The following AFF1 variants were observed in gnomAD, a reference collection of about 807,000 sequenced individuals.
AFF1 encodes the protein ALF transcription elongation factor 1.
In AFF1, 48 loss-of-function variants were observed where a neutral mutation model predicts 121.7. The observed-to-expected ratio is 0.39, with a 90% CI of 0.31 to 0.50. AFF1 has a LOEUF of 0.50. Ranked by LOEUF, AFF1 falls within the 20% of genes least tolerant of loss-of-function variation. The probability of loss-of-function intolerance (pLI) is 0.76; values close to 1 mark genes in which losing one functional copy is unlikely to be tolerated. For synonymous variants in AFF1, 613 were observed against 563.0 expected, an observed-to-expected ratio of 1.09 and a Z score of -1.26; for missense variants, 1,523 against 1,511.7, an observed-to-expected ratio of 1.01 and a Z score of -0.12.
At chr4:87,045,091 A>G (rs867117906) in intron 2 of AFF1, among the ~76,000 whole-genome samples, 78 of 152,274 alleles carry the variant, frequency 5.1e-4, no homozygotes, top group African/African-American at 1.8e-3. Context: ...GCTTTTGTCA[A>G]AGGAAATAAG....
At chr4:87,052,678 A>T (rs912053398) in intron 4 of AFF1, among the ~76,000 whole-genome samples, 1 of 151,236 alleles carries the variant, frequency 6.6e-6, no homozygotes, top group African/African-American at 2.4e-5. Flanking sequence ...TGGGAAATGG[A>T]TGAGAGGGGC....
At position 87,091,793 on chromosome 4, in the gene AFF1, G is replaced by A. The variant is rs770921103; in HGVS notation, c.1192G>A (p.Asp398Asn). Residue 398 changes from aspartate to asparagine, a missense_variant and splice_region_variant, in exon 7 of 21, where the codon GAC becomes AAC. Physicochemically the swap from Asp to Asn is conservative, Grantham distance 23. This residue lies in a region of AFF1 where 905 missense variants were observed against 842.5 expected (regional missense o/e 1.07). Transcript: ENST00000395146. ...EPSKFPFPTK[D>N]SQHVSSVTQN... ...TTAGATATTTTTATTTTCTTTCTAG[G>A]ACTCTCAGCATGTCAGTTCTGTAAC... 2.7e-5 allele frequency: 41 copies of A among 1,539,054 alleles called. No individual in the cohort carries two copies. In the Middle Eastern group the frequency reaches 5.5e-4, roughly 21 times the overall value.
intron 4 of AFF1, among the ~76,000 whole-genome samples, chr4:87,071,792 C>T (rs1330191922): frequency 6.6e-6 from 1 of 152,098 alleles, no homozygotes. Context: ...TTCTCTGTCA[C>T]TTAGGTTCTG....
At chr4:87,046,548 G>C in intron 3 of AFF1, 147 bp from the exon 4 acceptor site, 13 of 973,170 alleles carry the variant, frequency 1.3e-5, no homozygotes, top group Non-Finnish European at 1.9e-5. Context: ...CTTCTCAACA[G>C]GGGAATTGAG....
Position 86,951,615 on chromosome 4 carries a change from CTTTTTTTCTTTTT to C in AFF1, c.38+3052_38+3064del, listed in dbSNP as rs1441971285. Among the ~76,000 whole-genome samples, 27 of 124,974 alleles carry C rather than the reference CTTTTTTTCTTTTT, an allele frequency of 2.2e-4. No individual in the cohort carries two copies. The East Asian group carries it at 2.6e-3, about 12-fold the overall frequency. The allele number at this position is 124,974 out of a possible 152,430, so 82.0% of individuals were successfully genotyped here. ...GAACTTTTTTTTCTTTTTCTTTTTT[CTTTTTTTCTTTTT>C]TTTTTTTTTTTTTGAGACGGAGTCT... is the stretch of plus-strand genomic sequence containing the variant. On this transcript the variant is annotated intron_variant, in intron 2 of 20. Transcript: ENST00000395146.
chr4:87,017,630 A>G (rs752751956), intron 2 of AFF1, among the ~76,000 whole-genome samples: 27 of 152,348 alleles, frequency 1.8e-4, no homozygotes, highest in Non-Finnish European at 3.5e-4. Flanking sequence ...ATGGCCCTAT[A>G]AATTGTTATT....
chr4:86,988,481 C>A (rs959598424), intron 2 of AFF1, among the ~76,000 whole-genome samples: 1 of 151,974 alleles, frequency 6.6e-6, no homozygotes, highest in African/African-American at 2.4e-5. Flanking sequence ...ATCCAACTTA[C>A]AAGGGATGTG....
At chr4:86,979,825 A>T (rs1187768958) in intron 2 of AFF1, among the ~76,000 whole-genome samples, 10 of 140,340 alleles carry the variant, frequency 7.1e-5, no homozygotes, top group African/African-American at 3.3e-4. Context: ...CTATGACTGT[A>T]TTAGGAGAAT....
intron 4 of AFF1, among the ~76,000 whole-genome samples, chr4:87,050,465 T>G (rs1358272741): frequency 2.0e-5 from 3 of 152,238 alleles, no homozygotes; most frequent in Non-Finnish European, 4.4e-5. Context: ...TGTTCCTTCA[T>G]TCTCTAGCCA....
intron 2 of AFF1, among the ~76,000 whole-genome samples, chr4:87,022,108 GGT>G (rs1227082740): frequency 6.6e-6 from 1 of 151,260 alleles, no homozygotes; most frequent in African/African-American, 2.4e-5. Flanking sequence ...GGGAGACTGA[GGT>G]GGGAGAATGT....
At position 87,047,506 on chromosome 4, in the gene AFF1, A is replaced by G. The variant is rs1440897483; in HGVS notation, c.971A>G (p.Tyr324Cys). Reference sequence around the variant, plus strand: ...GAACTGAAACCACTGCCGGAGGACTATCGACAGCAGACCTTTGAAAAAACA... The same window carrying G: ...GAACTGAAACCACTGCCGGAGGACTGTCGACAGCAGACCTTTGAAAAAACA... ...SPELKPLPED[Y>C]RQQTFEKTDL... Residue 324 changes from tyrosine to cysteine, a missense_variant, in exon 4 of 21, where the codon TAT becomes TGT. Coordinates refer to ENST00000395146, the MANE Select transcript of AFF1 (RefSeq NM_001166693.3). 10 of 1,614,128 alleles carry G rather than the reference A, an allele frequency of 6.2e-6. No homozygotes were observed. Among genetic ancestry groups the G allele is most frequent in the East Asian group, 2.2e-5 (1 of 44,904 alleles).
At chr4:87,003,782 C>T (rs1341143322) in intron 2 of AFF1, among the ~76,000 whole-genome samples, 3 of 151,984 alleles carry the variant, frequency 2.0e-5, no homozygotes, top group African/African-American at 7.2e-5. Flanking sequence ...AAAACAGCCA[C>T]CAAAAAATTA....
intron 2 of AFF1, among the ~76,000 whole-genome samples, chr4:87,031,769 G>T (rs1244186324): frequency 1.3e-5 from 2 of 152,122 alleles, no homozygotes; most frequent in African/African-American, 2.4e-5. Context: ...TTGTTTACTT[G>T]CAGTGGATAT....
At chr4:87,058,346 G>C (rs1383612235) in intron 4 of AFF1, among the ~76,000 whole-genome samples, 1 of 152,138 alleles carries the variant, frequency 6.6e-6, no homozygotes, top group Non-Finnish European at 1.5e-5. Flanking sequence ...CATCTGATGA[G>C]TCATGCAAAT....
intron 2 of AFF1, among the ~76,000 whole-genome samples, chr4:87,029,624 C>A (rs1047372080): frequency 6.6e-6 from 1 of 152,176 alleles, no homozygotes; most frequent in African/African-American, 2.4e-5. Flanking sequence ...GGAGTTCTTA[C>A]TCCCAGAGTG....
chr4:86,948,631 C>T (rs1721038216), intron 2 of AFF1, 60 bp downstream of exon 2: 6 of 1,477,888 alleles, frequency 4.1e-6, no homozygotes, highest in African/African-American at 1.4e-5. Context: ...ATCTACTTTT[C>T]AATGAATAAG....
At chr4:86,983,929 C>T (rs926010277) in intron 2 of AFF1, among the ~76,000 whole-genome samples, 6 of 148,466 alleles carry the variant, frequency 4.0e-5, no homozygotes, top group South Asian at 2.1e-4. Context: ...CCCAGCTACT[C>T]GGGAGGCTGA....
chr4:87,071,583 T>C (rs1722059835), intron 4 of AFF1, among the ~76,000 whole-genome samples: 1 of 152,110 alleles, frequency 6.6e-6, no homozygotes, highest in Admixed American at 6.5e-5. Context: ...AGGAAAGCAG[T>C]GCGGTGGCTC....
chr4:87,140,703 A>G lies in AFF1; in HGVS notation c.*5002A>G, dbSNP rs900521817. ...GGGTAGGGAAGCAGTGATGCTCTCA[A>G]TGGGAAGATGTGCAACACAAATTAA... On this transcript the variant is annotated 3_prime_UTR_variant, in exon 21 of 21. Transcript: ENST00000395146. 5 of 190,650 alleles carry G rather than the reference A, an allele frequency of 2.6e-5. No individual in the cohort carries two copies. The highest frequency in any genetic ancestry group is 8.3e-5 in the East Asian group (1 of 12,058). 11.8% of individuals were successfully genotyped at this position (190,650 alleles called of 1,614,324 possible). A position where few individuals can be genotyped will look rare whatever the true frequency, so the allele number is the denominator to read the frequency against.
Sources: allele counts gnomAD v4.1 joint callset (sites outside exome capture counted in the v4.1 genomes callset), GRCh38; gene constraint gnomAD v4.1.1; regional missense constraint gnomAD v4.1.1; transcripts MANE v1.5; gene names NCBI Gene and HGNC (gene_info 2026-07-23, HGNC 2026-07-21).